The following RNF220 variants were observed in gnomAD, a reference collection of about 807,000 sequenced individuals.
RNF220 encodes ring finger protein 220.
Under a neutral mutation model 67.1 loss-of-function variants are expected in RNF220, and 7 were observed. The observed-to-expected ratio is 0.10, with a 90% confidence interval of 0.06 to 0.20. The LOEUF (loss-of-function observed/expected upper bound fraction) is 0.20, where lower values mean the gene tolerates loss of function less well. RNF220 is among the 10% of genes least tolerant of loss of function. RNF220 has a pLI of 1.00. For synonymous variants in RNF220, 270 were observed against 283.2 expected (o/e 0.95, Z 0.47); for missense variants, 565 against 740.3 (o/e 0.76, Z 2.75).
At chr1:44,631,897 C>T in intron 5 of RNF220, 1 of 986,038 alleles carries the variant, frequency 1.0e-6, no homozygotes, top group Non-Finnish European at 1.2e-6. Context: ...GCTTCCTGGT[C>T]TCTGTCCGGC....
Position 44,636,069 on chromosome 1 carries a change from A to G in RNF220, c.1033A>G (p.Ile345Val), listed in dbSNP as rs765719481. ...SCMAEDDAVD[I>V]EHENNNRFEE... ...CATGGCTGAGGATGATGCTGTGGAC[A>G]TCGAGCATGAGAACAACAACCGCTT... The change falls in exon 8 of 15, where the codon ATC (isoleucine) becomes GTC (valine). Residue 345 changes from isoleucine to valine, a missense_variant. By Grantham distance (29) the Ile-to-Val change is conservative. Coordinates refer to ENST00000361799, the MANE Select transcript of RNF220 (RefSeq NM_018150.4). 4.3e-6 allele frequency: 7 copies of G among 1,614,240 alleles called. No individual in the cohort carries two copies. The Admixed American group carries it at 1.0e-4, about 23-fold the overall frequency.
intron 2 of RNF220, among the ~76,000 whole-genome samples, chr1:44,495,716 T>A (rs1453722541): frequency 1.3e-5 from 2 of 152,294 alleles, no homozygotes; most frequent in African/African-American, 4.8e-5. Flanking sequence ...TTACAGACAT[T>A]AGCCACAGCG....
intron 2 of RNF220, among the ~76,000 whole-genome samples, chr1:44,459,730 A>G (rs1347655328): frequency 1.3e-5 from 2 of 152,202 alleles, no homozygotes; most frequent in Non-Finnish European, 2.9e-5. Context: ...ACTGCCGATG[A>G]AAGAGGGAAT....
At chr1:44,491,649 A>G (rs1656861889) in intron 2 of RNF220, among the ~76,000 whole-genome samples, 1 of 151,990 alleles carries the variant, frequency 6.6e-6, no homozygotes, top group Non-Finnish European at 1.5e-5. Context: ...GGAACAAGAC[A>G]AGGATGTCCA....
intron 2 of RNF220, among the ~76,000 whole-genome samples, chr1:44,459,600 G>A (rs772329574): frequency 6.6e-6 from 1 of 152,198 alleles, no homozygotes; most frequent in Non-Finnish European, 1.5e-5. Context: ...GAACAAAAAA[G>A]TGAGATTTGA....
rs968266882 is a variant in RNF220 at position 44,606,170 on chromosome 1, C to T, written c.626-7995C>T. On this transcript the variant is annotated intron_variant, in intron 2 of 14. Transcript: ENST00000361799. The surrounding 1 kb of genome is among the most constrained non-coding windows in gnomAD (Gnocchi z 4.2). ...TGTATTACACGGATAATGTATTTGA[C>T]GTATTAATAAAACCAGCCGCATTGC... Among the ~76,000 whole-genome samples, 2 of 152,214 alleles carry T rather than the reference C, an allele frequency of 1.3e-5. No individual in the cohort carries two copies. The highest frequency in any genetic ancestry group is 1.3e-4 in the Admixed American group (2 of 15,280).
chr1:44,405,394 TGCC>T lies in RNF220; in HGVS notation c.-251_-249del. The T allele has an allele frequency of 1.6e-6, 1 of 628,792 alleles. No homozygotes were observed. The highest frequency in any genetic ancestry group is 1.9e-5 in the African/African-American group (1 of 53,244). The allele number at this position is 628,792 out of a possible 1,614,324, so 39.0% of individuals were successfully genotyped here. ...AGCCGCCTACTGCTGCTGCTGCTGC[TGCC>T]GCTGCCGCCGCCGCCGCCGCCGCTG... On this transcript the variant is annotated 5_prime_UTR_variant, in exon 1 of 15. Coordinates refer to ENST00000361799, the MANE Select transcript of RNF220 (RefSeq NM_018150.4).
intron 2 of RNF220, among the ~76,000 whole-genome samples, chr1:44,559,288 T>C (rs1055678947): frequency 1.3e-5 from 2 of 152,174 alleles, no homozygotes; most frequent in African/African-American, 4.8e-5. Flanking sequence ...CGCTGTTCTG[T>C]GGAAGCAGGG....
chr1:44,650,277 A>T lies in RNF220; in HGVS notation c.1629+320A>T, dbSNP rs1030936916. On this transcript the variant is annotated intron_variant, in intron 14 of 14. Coordinates refer to ENST00000361799, the MANE Select transcript of RNF220 (RefSeq NM_018150.4). The surrounding 1 kb of genome is among the most constrained non-coding windows in gnomAD (Gnocchi z 4.3). ...AGGCTGGCTGTAGGTAAACAGGACC[A>T]GGGCCTTGGCCCCTCCCCCTCCCAT... The T allele has an allele frequency of 1.9e-6, 1 of 515,786 alleles. No individual in the cohort carries two copies. Among genetic ancestry groups the T allele is most frequent in the African/African-American group, 1.9e-5 (1 of 52,316 alleles). 32.0% of individuals were successfully genotyped at this position (515,786 alleles called of 1,614,324 possible).
At chr1:44,615,544 T>C (rs1643509967) in intron 3 of RNF220, among the ~76,000 whole-genome samples, 1 of 152,158 alleles carries the variant, frequency 6.6e-6, no homozygotes, top group Non-Finnish European at 1.5e-5. Flanking sequence ...TCTACCTTCT[T>C]ACCGAATCCC....
At chr1:44,517,209 T>A (rs1206658429) in intron 2 of RNF220, among the ~76,000 whole-genome samples, 1 of 152,050 alleles carries the variant, frequency 6.6e-6, no homozygotes, top group Admixed American at 6.6e-5. Context: ...CATTCTAGCC[T>A]CTCCACCTGG....
At position 44,650,818 on chromosome 1, in the gene RNF220, G is replaced by GC. The variant is rs754897183; in HGVS notation, c.*48dup. ...GGCCTCGCCTCCAGCAGCCCCACCTGCCCCCAGCCTCTGTGACAGTGACCG... is the reference window on the plus strand; with the variant it reads ...GGCCTCGCCTCCAGCAGCCCCACCTGCCCCCCAGCCTCTGTGACAGTGACCG... On this transcript the variant is annotated 3_prime_UTR_variant, in exon 15 of 15. Transcript: ENST00000361799. This position sits in a 1 kb window ranked among gnomAD's most constrained non-coding sequence, Gnocchi z 4.3. 3.8e-6 allele frequency: 6 copies of GC among 1,571,840 alleles called. No individual in the cohort carries two copies. In the South Asian group the frequency reaches 6.6e-5, roughly 17 times the overall value.
chr1:44,555,511 G>A lies in RNF220; in HGVS notation c.626-58654G>A, dbSNP rs188384401. Among the ~76,000 whole-genome samples the A allele has an allele frequency of 2.3e-4, 35 of 152,192 alleles. No homozygotes were observed. The East Asian group carries it at 4.3e-3, about 18-fold the overall frequency. On this transcript the variant is annotated intron_variant, in intron 2 of 14. Transcript: ENST00000361799. ...GTTTTTTGAGATGGAGTCTCGCTCT[G>A]TCACCCAGGCTGGAGTGCAGTGGCA... is the stretch of plus-strand genomic sequence containing the variant.
intron 2 of RNF220, among the ~76,000 whole-genome samples, chr1:44,468,743 G>T (rs1376974921): frequency 6.6e-6 from 1 of 151,844 alleles, no homozygotes; most frequent in Non-Finnish European, 1.5e-5. Context: ...GTGAAACTCG[G>T]TCTCTACAAA....
At chr1:44,572,675 T>C (rs1664526208) in intron 2 of RNF220, among the ~76,000 whole-genome samples, 1 of 151,860 alleles carries the variant, frequency 6.6e-6, no homozygotes, top group Non-Finnish European at 1.5e-5. Context: ...GCAGGTCTTC[T>C]CTGGCCCAGC....
At chr1:44,595,427 C>G (rs567364970) in intron 2 of RNF220, among the ~76,000 whole-genome samples, 65 of 152,336 alleles carry the variant, frequency 4.3e-4, no homozygotes, top group African/African-American at 1.5e-3. Flanking sequence ...TTCTGGGAAT[C>G]TGGCTCCCCG....
At chr1:44,633,466 A>G (rs1557462799) in intron 6 of RNF220, among the ~76,000 whole-genome samples, 1 of 152,180 alleles carries the variant, frequency 6.6e-6, no homozygotes, top group African/African-American at 2.4e-5. Flanking sequence ...AACTTTCCCT[A>G]CCACACTTTG....
intron 9 of RNF220, 68 bp downstream of exon 9, chr1:44,644,862 T>A (rs1644590641): frequency 6.5e-7 from 1 of 1,527,956 alleles, no homozygotes; most frequent in African/African-American, 1.4e-5. Flanking sequence ...GAAAAGTAGC[T>A]CTTCTAGTAT....
At chr1:44,533,060 A>T (rs1000568761) in intron 2 of RNF220, among the ~76,000 whole-genome samples, 2 of 152,238 alleles carry the variant, frequency 1.3e-5, no homozygotes, top group South Asian at 2.1e-4. Context: ...AAAATGGTGG[A>T]CTTCCAATGT....
Sources: gnomAD v4.1 joint callset for allele counts (sites outside exome capture counted in the v4.1 genomes callset) on GRCh38, gnomAD v4.1.1 for gene constraint, Gnocchi (gnomAD v3.1) non-coding constraint, MANE v1.5 for transcripts, NCBI Gene and HGNC (gene_info 2026-07-23, HGNC 2026-07-21) for gene names.